PSMA5: variants seen among roughly 807,000 people sequenced by gnomAD.
PSMA5 encodes the protein proteasome 20S subunit alpha 5, also known as proteasome subunit alpha type-5.
In PSMA5, 3 loss-of-function variants were observed where a neutral mutation model predicts 34.5. That is an observed-to-expected ratio of 0.09 (90% confidence interval 0.04 to 0.22). The LOEUF (loss-of-function observed/expected upper bound fraction) is 0.22. Ranked by LOEUF, PSMA5 falls within the 10% of genes least tolerant of loss-of-function variation. The probability of loss-of-function intolerance (pLI) is 1.00; values close to 1 mark genes in which losing one functional copy is unlikely to be tolerated. For synonymous variants in PSMA5, 88 were observed against 95.8 expected, an observed-to-expected ratio of 0.92 and a Z score of 0.47; for missense variants, 120 against 286.1, an observed-to-expected ratio of 0.42 and a Z score of 4.19.
intron 2 of PSMA5, among the ~76,000 whole-genome samples, chr1:109,421,309 G>A (rs1285058027): frequency 1.3e-5 from 2 of 151,980 alleles, no homozygotes; most frequent in Non-Finnish European, 2.9e-5. Context: ...AGGCTGAGAT[G>A]GGCGAATCAT....
At chr1:109,421,993 T>C (rs562185951) in intron 1 of PSMA5, 67 bp from the exon 2 acceptor site, 7 of 981,454 alleles carry the variant, frequency 7.1e-6, no homozygotes, top group Non-Finnish European at 8.6e-6. Flanking sequence ...TGAATTCAAG[T>C]TCCTTGACAA....
At chr1:109,409,739 C>T (rs1488739034) in intron 8 of PSMA5, among the ~76,000 whole-genome samples, 189 bp downstream of exon 8, 1 of 152,058 alleles carries the variant, frequency 6.6e-6, no homozygotes, top group African/African-American at 2.4e-5. Context: ...CACAGCAAGA[C>T]CCCATCTCTA....
At chr1:109,419,799 A>AG (rs1654364184) in intron 2 of PSMA5, among the ~76,000 whole-genome samples, 2 of 32,360 alleles carry the variant, frequency 6.2e-5, no homozygotes, top group Non-Finnish European at 1.3e-4. Context: ...ACTCCGTCTC[A>AG]AAAAAAAAAA....
At position 109,400,003 on chromosome 1, in the gene PSMA5, G is replaced by A. The variant is rs1653438448; in HGVS notation, c.*2010C>T. ...CATCATGAAACCATTGCTGTTCGTA[G>A]TAAGATCACTTCTTTAACCTAAGAA... On this transcript the variant is annotated 3_prime_UTR_variant, in exon 9 of 9. Coordinates refer to ENST00000271308, the MANE Select transcript of PSMA5 (RefSeq NM_002790.4). 2.0e-5 allele frequency: 3 copies of A among 152,162 alleles called. No homozygotes were observed. In the South Asian group the frequency reaches 6.2e-4, roughly 32 times the overall value. 9.4% of individuals were successfully genotyped at this position (152,162 alleles called of 1,614,324 possible).
chr1:109,421,545 G>C (rs1281398929), intron 2 of PSMA5, among the ~76,000 whole-genome samples: 1 of 151,566 alleles, frequency 6.6e-6, no homozygotes, highest in Non-Finnish European at 1.5e-5. Context: ...AACAGAAAAA[G>C]TAATACAGGT....
In PSMA5 at chr1:109,401,327, C is replaced by T. The variant is rs1653510948; in HGVS notation, c.*686G>A. ...TATCAAGACCCAAGAACTGGTACAA[C>T]ACTGTTGATGGCTGATTCCAACCCA... On this transcript the variant is annotated 3_prime_UTR_variant, in exon 9 of 9. Coordinates refer to ENST00000271308, the MANE Select transcript of PSMA5 (RefSeq NM_002790.4). 2 of 152,154 alleles carry T rather than the reference C, an allele frequency of 1.3e-5. No individual in the cohort carries two copies. Among genetic ancestry groups the T allele is most frequent in the African/African-American group, 4.8e-5 (2 of 41,440 alleles). The allele number at this position is 152,154 out of a possible 1,614,324, so 9.4% of individuals were successfully genotyped here.
intron 1 of PSMA5, 138 bp from the exon 2 acceptor site, chr1:109,422,064 T>C: frequency 1.9e-6 from 1 of 525,572 alleles, no homozygotes; most frequent in Non-Finnish European, 3.2e-6. Flanking sequence ...CCCACAACAA[T>C]CTGTAGCATT....
intron 8 of PSMA5, 60 bp downstream of exon 8, chr1:109,409,868 G>T: frequency 8.0e-7 from 1 of 1,243,874 alleles, no homozygotes. Flanking sequence ...AGGCAATATA[G>T]CCAGACCTCA....
chr1:109,405,447 G>GT (rs11390638), intron 8 of PSMA5, among the ~76,000 whole-genome samples: 105,895 of 118,202 alleles, frequency 0.9, 47,943 homozygotes, highest in South Asian at 0.95. Flanking sequence ...GTCAGAAAAG[G>GT]TTTTTTTTTT....
intron 2 of PSMA5, among the ~76,000 whole-genome samples, chr1:109,419,885 G>A (rs1161524517): frequency 6.6e-6 from 1 of 150,482 alleles, no homozygotes; most frequent in Non-Finnish European, 1.5e-5. Flanking sequence ...GAGGCGGGAG[G>A]ATCACTTGAG....
intron 8 of PSMA5, among the ~76,000 whole-genome samples, chr1:109,407,422 C>T (rs1047021217): frequency 7.2e-5 from 11 of 152,114 alleles, no homozygotes; most frequent in Non-Finnish European, 1.6e-4. Context: ...CTTAGACTGA[C>T]CTTTCACAGC....
intron 1 of PSMA5, among the ~76,000 whole-genome samples, chr1:109,424,871 C>CAGCT (rs1654588781): frequency 6.6e-6 from 1 of 152,222 alleles, no homozygotes; most frequent in African/African-American, 2.4e-5. Context: ...CCTGTAGTCC[C>CAGCT]AGCTACTCGG....
chr1:109,426,220 C>G (rs973010331), intron 1 of PSMA5, 82 bp downstream of exon 1: 37 of 1,571,088 alleles, frequency 2.4e-5, no homozygotes, highest in Non-Finnish European at 4.4e-6. Context: ...AGCCCCATGA[C>G]ACGGCAGAAC....
chr1:109,425,450 C>T (rs895929578), intron 1 of PSMA5: 3 of 152,006 alleles, frequency 2.0e-5, no homozygotes, highest in Non-Finnish European at 4.4e-5. Context: ...ACATCTTCTA[C>T]GAGTCAGTAA....
chr1:109,426,397 C>T lies in PSMA5; in HGVS notation c.-67G>A. 1 of 1,594,762 alleles carries T rather than the reference C, an allele frequency of 6.3e-7. No individual in the cohort carries two copies. Among genetic ancestry groups the T allele is most frequent in the Non-Finnish European group, 8.6e-7 (1 of 1,162,760 alleles). On this transcript the variant is annotated 5_prime_UTR_variant, in exon 1 of 9. Transcript: ENST00000271308. ...GGACCAACACGACTCCACCGGCACC[C>T]AACTCACCGGCAGCCAACTCACCCA... is the stretch of plus-strand genomic sequence containing the variant.
Position 109,409,918 on chromosome 1 carries a change from C to G in PSMA5, c.648+10G>C. ...AACCGAAAAAAATCCAACAATAAAA[C>G]AGAAAGTACCTCAATGTTTGTTGCA... On this transcript the variant is annotated intron_variant, in intron 8 of 8. Transcript: ENST00000271308. 5.7e-6 allele frequency: 9 copies of G among 1,570,050 alleles called. No individual in the cohort carries two copies. The highest frequency in any genetic ancestry group is 7.8e-6 in the Non-Finnish European group (9 of 1,153,496).
At position 109,412,028 on chromosome 1, in the gene PSMA5, C is replaced by T. The variant is rs753048226; in HGVS notation, c.399+49G>A. The T allele has an allele frequency of 5.7e-6, 9 of 1,588,202 alleles. No homozygotes were observed. The Admixed American group carries it at 1.5e-4, about 26-fold the overall frequency. ...ATGTTATGTTCACAGGACAAATGTC[C>T]TAAGTCCCATAGAACAATAAGAAAA... is the stretch of plus-strand genomic sequence containing the variant. On this transcript the variant is annotated intron_variant, in intron 5 of 8. Transcript: ENST00000271308.
chr1:109,417,334 C>T (rs1453464364), intron 2 of PSMA5, among the ~76,000 whole-genome samples: 3 of 151,946 alleles, frequency 2.0e-5, no homozygotes, highest in Admixed American at 1.3e-4. Context: ...CTAAACCAGC[C>T]GTAAAGAAAG....
At chr1:109,425,108 G>A (rs988022600) in intron 1 of PSMA5, among the ~76,000 whole-genome samples, 2 of 152,216 alleles carry the variant, frequency 1.3e-5, no homozygotes, top group African/African-American at 4.8e-5. Context: ...CAAGGAGCTT[G>A]ATTTTGTCCA....
Sources: allele counts gnomAD v4.1 joint callset (sites outside exome capture counted in the v4.1 genomes callset), GRCh38; gene constraint gnomAD v4.1.1; transcripts MANE v1.5; gene names NCBI Gene and HGNC (gene_info 2026-07-23, HGNC 2026-07-21).